AP4S1: variants seen among roughly 807,000 people sequenced by gnomAD.
AP4S1 encodes AP-4 complex subunit sigma-1.
AP4S1 carries 23 observed loss-of-function variants against 19.8 expected under a neutral mutation model. That is an observed-to-expected ratio of 1.16 (90% CI 0.84 to 1.65). The LOEUF is 1.65. Ranked by LOEUF, AP4S1 falls within the 40% of genes most tolerant of loss-of-function variation. AP4S1 has a pLI of 0.00. For missense variants in AP4S1, 166 were observed against 172.8 expected (o/e 0.96, Z 0.22); for synonymous variants, 46 against 54.1 (o/e 0.85, Z 0.66).
chr14:31,039,473 C>G (rs1219148227), intron 1 of AP4S1, among the ~76,000 whole-genome samples: 1 of 152,088 alleles, frequency 6.6e-6, no homozygotes, highest in Non-Finnish European at 1.5e-5. Context: ...GCGTGAGCCA[C>G]TGTGTCTGGC....
chr14:31,025,344 G>A (rs1434517002), upstream of AP4S1: 1 of 156,974 alleles, frequency 6.4e-6, no homozygotes, highest in Non-Finnish European at 1.4e-5. Context: ...AACTTCACAG[G>A]TCAGTCCCAA....
chr14:31,076,559 A>G (rs183499547), intron 4 of AP4S1, among the ~76,000 whole-genome samples: 1 of 152,334 alleles, frequency 6.6e-6, no homozygotes, highest in African/African-American at 2.4e-5. Context: ...TATTCTGAAT[A>G]CAAGTCCCTT....
chr14:31,073,445 C>A lies in AP4S1; in HGVS notation c.294+472C>A, dbSNP rs28534627. On this transcript the variant is annotated intron_variant, in intron 4 of 5. Coordinates refer to ENST00000542754, the MANE Select transcript of AP4S1 (RefSeq NM_001128126.3). ...GCGGAGCTTGCAGTGAGCCGAGATC[C>A]CGCCACTGCACTCCAGCCTGGGCAA... 1.9e-3 allele frequency among the ~76,000 whole-genome samples: 258 copies of A among 138,232 alleles called. 2 individuals are homozygous for A. The highest frequency in any genetic ancestry group is 5.9e-3 in the South Asian group (25 of 4,212). The allele number at this position is 138,232 out of a possible 152,430, so 90.7% of individuals were successfully genotyped here.
chr14:31,048,538 A>T (rs1594650427), intron 1 of AP4S1, among the ~76,000 whole-genome samples: 1 of 152,102 alleles, frequency 6.6e-6, no homozygotes, highest in East Asian at 2.0e-4. Context: ...ACCTGCCTGG[A>T]CAACATGGCA....
intron 1 of AP4S1, among the ~76,000 whole-genome samples, chr14:31,048,057 T>C (rs1885523299): frequency 6.6e-6 from 1 of 152,030 alleles, no homozygotes; most frequent in Admixed American, 6.6e-5. Context: ...TATTTTTGTA[T>C]GTGGTGTGAC....
At chr14:31,065,349 T>C (rs1886655923) in intron 1 of AP4S1, among the ~76,000 whole-genome samples, 1 of 152,078 alleles carries the variant, frequency 6.6e-6, no homozygotes, top group Non-Finnish European at 1.5e-5. Context: ...AGTTCTTCAC[T>C]CTCCTGTGAT....
chr14:31,077,151 C>G (rs112318809), intron 4 of AP4S1, among the ~76,000 whole-genome samples: 8,874 of 152,016 alleles, frequency 0.058, 861 homozygotes, highest in African/African-American at 0.2. Context: ...TGGTCAGGCT[C>G]GTCTCGAACT....
intron 1 of AP4S1, among the ~76,000 whole-genome samples, chr14:31,039,118 G>A (rs7150103): frequency 2.6e-5 from 4 of 151,924 alleles, no homozygotes; most frequent in African/African-American, 9.7e-5. Flanking sequence ...TCCTCCCACC[G>A]CAGCCTCCCA....
intron 1 of AP4S1, among the ~76,000 whole-genome samples, chr14:31,034,406 A>G (rs1434371053): frequency 6.6e-6 from 1 of 152,080 alleles, no homozygotes; most frequent in Admixed American, 6.6e-5. Context: ...TATAGTTTTT[A>G]TAGTTTCGTA....
chr14:31,091,839 T>C (rs1312258031), intron 5 of AP4S1, among the ~76,000 whole-genome samples: 1 of 152,240 alleles, frequency 6.6e-6, no homozygotes, highest in African/African-American at 2.4e-5. Flanking sequence ...TGAAACAATC[T>C]GTCAACTGTT....
rs558528734 is a variant in AP4S1, at chr14:31,065,164, C to T, written c.-71-962C>T. Among the ~76,000 whole-genome samples, 6 of 152,316 alleles carry T rather than the reference C, an allele frequency of 3.9e-5. No homozygotes were observed. In the South Asian group the frequency reaches 1.2e-3, roughly 32 times the overall value. The stretch of plus-strand genomic sequence containing the variant: ...AAGCCCAAATTCCTTAGCATGACTT[C>T]TAAAGCCAATTATATCATATGTGAG... On this transcript the variant is annotated intron_variant, in intron 1 of 5. Coordinates refer to ENST00000542754, the MANE Select transcript of AP4S1 (RefSeq NM_001128126.3).
intron 5 of AP4S1, chr14:31,085,862 C>A: frequency 2.0e-6 from 2 of 983,790 alleles, no homozygotes; most frequent in Non-Finnish European, 2.4e-6. Flanking sequence ...TTCTAGAGCC[C>A]TAAAGCTCTG....
Position 31,063,458 on chromosome 14 carries a change from A to G in AP4S1, c.-71-2668A>G, listed in dbSNP as rs564666387. 5.3e-5 allele frequency among the ~76,000 whole-genome samples: 8 copies of G among 152,052 alleles called. No individual in the cohort carries two copies. The East Asian group carries it at 1.5e-3, about 29-fold the overall frequency. ...CAAAAATAAAAATAAATAAAAGTAA[A>G]AATTAGCTGGGCATAGTGACATGTA... is the stretch of plus-strand genomic sequence containing the variant. On this transcript the variant is annotated intron_variant, in intron 1 of 5. Coordinates refer to ENST00000542754, the MANE Select transcript of AP4S1 (RefSeq NM_001128126.3).
intron 4 of AP4S1, 98 bp from the exon 5 acceptor site, chr14:31,080,475 C>A: frequency 9.8e-7 from 1 of 1,021,754 alleles, no homozygotes; most frequent in Non-Finnish European, 1.5e-6. Context: ...GGAGAGGCCG[C>A]TGCTATGGAC....
chr14:31,050,650 G>A (rs555094939), intron 1 of AP4S1, among the ~76,000 whole-genome samples: 54 of 152,154 alleles, frequency 3.5e-4, no homozygotes, highest in African/African-American at 9.2e-4. Context: ...GAGAATTTTC[G>A]TATACACTTG....
chr14:31,025,910 T>G (rs1883854462), intron 1 of AP4S1, 123 bp downstream of exon 1: 9 of 1,600,592 alleles, frequency 5.6e-6, no homozygotes, highest in Non-Finnish European at 7.7e-6. Flanking sequence ...GTACCTGCAG[T>G]TCGGCCCGTT....
At chr14:31,077,739 C>CTTT (rs71112379) in intron 4 of AP4S1, among the ~76,000 whole-genome samples, 6 of 135,234 alleles carry the variant, frequency 4.4e-5, no homozygotes, top group Non-Finnish European at 7.9e-5. Flanking sequence ...TTTCTTTTTT[C>CTTT]TTTTTTTTTT....
chr14:31,035,760 C>G (rs1308796888), intron 1 of AP4S1, among the ~76,000 whole-genome samples: 1 of 149,144 alleles, frequency 6.7e-6, no homozygotes, highest in Non-Finnish European at 1.5e-5. Context: ...GACAGAGTCT[C>G]GATCTGTCAC....
intron 1 of AP4S1, among the ~76,000 whole-genome samples, chr14:31,053,595 T>TC (rs1594659838): frequency 2.0e-5 from 2 of 101,934 alleles, no homozygotes; most frequent in African/African-American, 7.0e-5. Context: ...TTTTCTTTTT[T>TC]TTTTTTTTTT....
Sources: allele counts gnomAD v4.1 joint callset (sites outside exome capture counted in the v4.1 genomes callset), GRCh38; gene constraint gnomAD v4.1.1; transcripts MANE v1.5; gene names NCBI Gene and HGNC (gene_info 2026-07-23, HGNC 2026-07-21).